CASK: variants seen among roughly 807,000 people sequenced by gnomAD.
The protein encoded by CASK is peripheral plasma membrane protein CASK.
Under a neutral mutation model 82.9 loss-of-function variants are expected in CASK, and 4 were observed. The observed-to-expected ratio is 0.05, with a 90% CI of 0.02 to 0.11. CASK has a LOEUF of 0.11. Ranked by LOEUF, CASK falls within the 10% of genes least tolerant of loss-of-function variation. The probability of loss-of-function intolerance (pLI) is 1.00; values close to 1 mark genes in which losing one functional copy is unlikely to be tolerated. For synonymous variants in CASK, 259 were observed against 253.5 expected (o/e 1.02, Z -0.20); for missense variants, 358 against 720.9 (o/e 0.50, Z 5.76).
At chrX:41,814,987 G>A (rs935529176) in intron 2 of CASK, among the ~76,000 whole-genome samples, 2 of 111,440 alleles carry the variant, frequency 1.8e-5, no homozygotes, top group African/African-American at 6.5e-5. Flanking sequence ...TTTCCAGTAT[G>A]CAGCACAGGG....
Position 41,660,547 on chromosome X carries a change from C to T in CASK, c.723G>A (p.Gln241=). ...TGGCACTTTCAGAGATATGGCTCCA[C>T]TGCCTTGGATTCATCTGAGGAGGAG... The part of the protein sequence containing the change: ...IKGKYKMNPR[Q]WSHISESAKD... Residue 241 remains glutamine (Q), a synonymous_variant, in exon 8 of 27, where the codon CAG becomes CAA. Coordinates refer to ENST00000378163, the MANE Select transcript of CASK (RefSeq NM_001367721.1). 1 of 1,205,299 alleles carries T rather than the reference C, an allele frequency of 8.3e-7. No homozygotes were observed. The highest frequency in any genetic ancestry group is 1.8e-5 in the South Asian group (1 of 56,872).
chrX:41,744,854 C>T (rs2147734272), intron 4 of CASK, among the ~76,000 whole-genome samples: 1 of 111,222 alleles, frequency 9.0e-6, no homozygotes, highest in East Asian at 2.8e-4. Flanking sequence ...AAATGAAGAA[C>T]TAATGAGGCA....
chrX:41,588,421 C>T (rs1473626624), intron 13 of CASK: 3 of 111,309 alleles, frequency 2.7e-5, no homozygotes, highest in Non-Finnish European at 5.6e-5. Context: ...CTGCTTCTAT[C>T]TGCGTATTGT....
chrX:41,695,961 C>T lies in CASK; in HGVS notation c.430-24431G>A. 8.3e-7 allele frequency: 1 copy of T among 1,205,203 alleles called. No individual in the cohort carries two copies. Among genetic ancestry groups the T allele is most frequent in the Admixed American group, 2.2e-5 (1 of 45,851 alleles). ...CCTACTCATCTTCTGCCTCCCTTTCCGAATAATGTATCATATTAACCAAAA... is the reference window on the plus strand; with the variant it reads ...CCTACTCATCTTCTGCCTCCCTTTCTGAATAATGTATCATATTAACCAAAA... On this transcript the variant is annotated intron_variant, in intron 5 of 26. Coordinates refer to ENST00000378163, the MANE Select transcript of CASK (RefSeq NM_001367721.1).
At position 41,553,703 on chromosome X, in the gene CASK, A is replaced by G. The variant is rs769082953; in HGVS notation, c.2039+16T>C. Reference sequence around the variant, plus strand: ...TTTTTATAACCAAGCAAAGCAAAACACGCATAAAAACATACCATTCCTGAA... The same window carrying G: ...TTTTTATAACCAAGCAAAGCAAAACGCGCATAAAAACATACCATTCCTGAA... On this transcript the variant is annotated intron_variant, in intron 21 of 26. Coordinates refer to ENST00000378163, the MANE Select transcript of CASK (RefSeq NM_001367721.1). 11 of 1,150,903 alleles carry G rather than the reference A, an allele frequency of 9.6e-6. No homozygotes were observed. In the East Asian group the frequency reaches 1.8e-4, roughly 19 times the overall value. The allele number at this position is 1,150,903 out of a possible 1,213,427, so 94.8% of individuals were successfully genotyped here.
chrX:41,747,075 A>T (rs1277694324), intron 3 of CASK, among the ~76,000 whole-genome samples: 1 of 110,809 alleles, frequency 9.0e-6, no homozygotes, highest in Non-Finnish European at 1.9e-5. Flanking sequence ...TCAGCAGAAG[A>T]CACACTGTAG....
In CASK at chrX:41,813,274, G is replaced by A. The variant is rs777436526; in HGVS notation, c.173-25991C>T. On this transcript the variant is annotated intron_variant, in intron 2 of 26. Coordinates refer to ENST00000378163, the MANE Select transcript of CASK (RefSeq NM_001367721.1). ...TTCATATGGAACCAAAAAAGAGCCC[G>A]TATTGCCAAGTCAAACCTAAGCAAA... Among the ~76,000 whole-genome samples the A allele has an allele frequency of 1.1e-3, 120 of 111,393 alleles. 1 individual carries two copies. The highest frequency in any genetic ancestry group is 3.6e-3 in the African/African-American group (110 of 30,647).
At chrX:41,615,759 A>G (rs1458608627) in intron 11 of CASK, among the ~76,000 whole-genome samples, 5 of 109,706 alleles carry the variant, frequency 4.6e-5, no homozygotes, top group African/African-American at 1.7e-4. Flanking sequence ...CAGCCACCCA[A>G]GCAGCTGGGA....
chrX:41,867,153 C>G (rs747401556), intron 1 of CASK, among the ~76,000 whole-genome samples: 1 of 112,144 alleles, frequency 8.9e-6, no homozygotes, highest in Non-Finnish European at 1.9e-5. Flanking sequence ...TACACAAACA[C>G]GGTTATGCAT....
At chrX:41,829,696 GATATATATATATATATATATATATAT>G (rs55730177) in intron 2 of CASK, among the ~76,000 whole-genome samples, 195 of 16,257 alleles carry the variant, frequency 0.012, 3 homozygotes, top group African/African-American at 0.013. Flanking sequence ...TAGGTCACAA[GATATATATATATATATATATATATAT>G]ATATATATAT....
At chrX:41,695,615 T>C (rs908179586) in intron 5 of CASK, 1 of 1,125,432 alleles carries the variant, frequency 8.9e-7, no homozygotes, top group Non-Finnish European at 1.2e-6. Flanking sequence ...CTTTCACTTT[T>C]TGATCTCCAC....
In CASK at chrX:41,515,737, G is replaced by A. The variant is rs2064538332; in HGVS notation, c.*4683C>T. On this transcript the variant is annotated 3_prime_UTR_variant, in exon 27 of 27. Transcript: ENST00000378163. ...TCACTGTGGAGGAATGCCTGTTTCT[G>A]TTCCCAAGGACAATTCTCGCTACAG... 1 of 111,992 alleles carries A rather than the reference G, an allele frequency of 8.9e-6. No individual in the cohort carries two copies. The highest frequency in any genetic ancestry group is 9.5e-5 in the Admixed American group (1 of 10,582). 9.2% of individuals were successfully genotyped at this position (111,992 alleles called of 1,213,427 possible).
intron 6 of CASK, among the ~76,000 whole-genome samples, chrX:41,668,539 T>A (rs1457284884): frequency 9.0e-6 from 1 of 111,586 alleles, no homozygotes; most frequent in Non-Finnish European, 1.9e-5. Context: ...AGGTTTCTAG[T>A]TGTATTCTGG....
In CASK at chrX:41,908,821, T is replaced by C. The variant is rs190977882; in HGVS notation, c.59+14109A>G. Among the ~76,000 whole-genome samples, 23 of 112,107 alleles carry C rather than the reference T, an allele frequency of 2.1e-4. 1 individual carries two copies. The East Asian group carries it at 4.2e-3, about 21-fold the overall frequency. On this transcript the variant is annotated intron_variant, in intron 1 of 26. Transcript: ENST00000378163. ...ACGAATGCTTTATCTTGAGTAGGGA[T>C]TGGCAAGCTTTTTGTGTAAAAAGCT...
At chrX:41,729,803 T>C (rs1245082022) in intron 5 of CASK, 7 of 93,384 alleles carry the variant, frequency 7.5e-5, no homozygotes, top group Non-Finnish European at 1.1e-4. Context: ...TATATATATA[T>C]ATATGTATGT....
intron 21 of CASK, among the ~76,000 whole-genome samples, chrX:41,544,564 TAA>T (rs752196101): frequency 1.9e-4 from 9 of 48,402 alleles, no homozygotes; most frequent in South Asian, 2.0e-3. Context: ...AGACCTTGTC[TAA>T]AAAAAAAAAA....
chrX:41,897,290 A>AATT (rs200950013), intron 1 of CASK, among the ~76,000 whole-genome samples: 1,157 of 111,766 alleles, frequency 0.01, 15 homozygotes, highest in African/African-American at 0.035. Flanking sequence ...TTCTACACCT[A>AATT]ATTTCTTGAG....
At chrX:41,613,895 CTATT>C (rs2066149402) in intron 11 of CASK, among the ~76,000 whole-genome samples, 1 of 111,822 alleles carries the variant, frequency 8.9e-6, no homozygotes, top group African/African-American at 3.2e-5. Context: ...TTTTGTAGCT[CTATT>C]TAATTATGTT....
intron 12 of CASK, among the ~76,000 whole-genome samples, chrX:41,606,539 C>T (rs1174062764): frequency 1.8e-5 from 2 of 111,854 alleles, no homozygotes; most frequent in Non-Finnish European, 3.8e-5. Flanking sequence ...AGGCGTGAGT[C>T]ACCGTACCTG....
Sources: gnomAD v4.1 joint callset for allele counts (sites outside exome capture counted in the v4.1 genomes callset) on GRCh38, gnomAD v4.1.1 for gene constraint, MANE v1.5 for transcripts, NCBI Gene and HGNC (gene_info 2026-07-23, HGNC 2026-07-21) for gene names.